CCDC88C: variants seen among roughly 807,000 people sequenced by gnomAD.
The protein encoded by CCDC88C is coiled-coil and HOOK domain protein 88C, also known as protein Daple.
Under a neutral mutation model 198.8 loss-of-function variants are expected in CCDC88C, and 131 were observed. The observed-to-expected ratio is 0.66, with a 90% CI of 0.57 to 0.76. The LOEUF (loss-of-function observed/expected upper bound fraction) is 0.76, where lower values mean the gene tolerates loss of function less well. CCDC88C is among the 30% of genes least tolerant of loss of function. CCDC88C has a pLI of 0.00. For missense variants in CCDC88C, 2,553 were observed against 2,631.6 expected, an observed-to-expected ratio of 0.97 and a Z score of 0.65; for synonymous variants, 1,166 against 1,114.7, an observed-to-expected ratio of 1.05 and a Z score of -0.92.
At chr14:91,296,972 A>G (rs1458233812) in intron 22 of CCDC88C, among the ~76,000 whole-genome samples, 1 of 152,232 alleles carries the variant, frequency 6.6e-6, no homozygotes, top group Non-Finnish European at 1.5e-5. Flanking sequence ...TCTCTAGGAC[A>G]GTGTGACTAC....
chr14:91,413,464 T>A (rs944368564), intron 2 of CCDC88C, among the ~76,000 whole-genome samples: 8 of 152,156 alleles, frequency 5.3e-5, no homozygotes, highest in Non-Finnish European at 1.0e-4. Flanking sequence ...TCTTAAATAA[T>A]TTTCCTACAA....
In CCDC88C at chr14:91,326,031, A is replaced by G. The variant is rs1892570567; in HGVS notation, c.1076T>C (p.Leu359Ser). 1 of 1,608,912 alleles carries G rather than the reference A, an allele frequency of 6.2e-7. No homozygotes were observed. Reference protein sequence around the residue: ...MEELREDNIILIETKAMLEEQ... With the variant: ...MEELREDNIISIETKAMLEEQ... ...CTCCAGCATGGCCTTGGTTTCAATTAAAATGATATTATCTTCTCTCAGCTC... is the reference window on the plus strand; with the variant it reads ...CTCCAGCATGGCCTTGGTTTCAATTGAAATGATATTATCTTCTCTCAGCTC... The change falls in exon 11 of 30, where the codon TTA becomes TCA. Residue 359 changes from leucine to serine, a missense_variant. Leu to Ser is a moderately radical substitution (Grantham distance 145). This residue lies in a region of CCDC88C where 1,260 missense variants were observed against 1,412.0 expected (regional missense o/e 0.89). Coordinates refer to ENST00000389857, the MANE Select transcript of CCDC88C (RefSeq NM_001080414.4).
chr14:91,304,452 G>A (rs1891474760), intron 19 of CCDC88C, among the ~76,000 whole-genome samples: 1 of 152,194 alleles, frequency 6.6e-6, no homozygotes, highest in Admixed American at 6.5e-5. Context: ...AGCTGGGCAT[G>A]GTGTTGTATG....
chr14:91,308,110 G>A (rs1891639596), intron 17 of CCDC88C, among the ~76,000 whole-genome samples: 1 of 152,234 alleles, frequency 6.6e-6, no homozygotes, highest in African/African-American at 2.4e-5. Flanking sequence ...CTTGCCTGGT[G>A]GACTTGGTGC....
intron 4 of CCDC88C, 27 bp downstream of exon 4, chr14:91,359,615 G>A: frequency 6.3e-7 from 1 of 1,587,232 alleles, no homozygotes; most frequent in Non-Finnish European, 8.6e-7. Context: ...GGGCACCACA[G>A]GGGAGAAGGG....
intron 10 of CCDC88C, among the ~76,000 whole-genome samples, chr14:91,337,760 G>A (rs998998273): frequency 1.3e-5 from 2 of 152,236 alleles, no homozygotes; most frequent in African/African-American, 4.8e-5. Context: ...GTGGGGGCAG[G>A]AGAAACCCTG....
In CCDC88C at chr14:91,292,532, G is replaced by A. The variant is rs141032662; in HGVS notation, c.4113-1448C>T. 2.3e-3 allele frequency among the ~76,000 whole-genome samples: 357 copies of A among 152,220 alleles called. 1 individual carries two copies. Among genetic ancestry groups the A allele is most frequent in the Non-Finnish European group, 3.7e-3 (250 of 68,016 alleles). On this transcript the variant is annotated intron_variant, in intron 23 of 29. Transcript: ENST00000389857. ...CAAACCATCCTCCCGAAGGTGGCAC[G>A]CCAGCCCTAGACACGTAGGTGAAGC...
chr14:91,332,058 C>T (rs888182699), intron 10 of CCDC88C, among the ~76,000 whole-genome samples: 1 of 152,114 alleles, frequency 6.6e-6, no homozygotes, highest in Admixed American at 6.5e-5. Flanking sequence ...AGGTCTCTGC[C>T]CCTCGGGCTA....
At chr14:91,334,143 T>C (rs548691596) in intron 10 of CCDC88C, among the ~76,000 whole-genome samples, 1 of 152,366 alleles carries the variant, frequency 6.6e-6, no homozygotes, top group African/African-American at 2.4e-5. Context: ...AATCTATCCA[T>C]CTCTCTAACC....
At chr14:91,387,008 T>C (rs564244630) in intron 3 of CCDC88C, among the ~76,000 whole-genome samples, 2 of 152,220 alleles carry the variant, frequency 1.3e-5, no homozygotes, top group Non-Finnish European at 2.9e-5. Flanking sequence ...TACTAACTTA[T>C]TTATCCTCAG....
At chr14:91,332,604 G>C (rs1458873960) in intron 10 of CCDC88C, among the ~76,000 whole-genome samples, 1 of 152,212 alleles carries the variant, frequency 6.6e-6, no homozygotes, top group East Asian at 1.9e-4. Context: ...AGACGGGGCA[G>C]CCTGTCTGGG....
Position 91,321,288 on chromosome 14 carries a change from A to C in CCDC88C, c.1359T>G (p.Phe453Leu). The C allele has an allele frequency of 6.4e-7, 1 of 1,557,600 alleles. No homozygotes were observed. The highest frequency in any genetic ancestry group is 8.7e-7 in the Non-Finnish European group (1 of 1,150,244). ...ACGCACATTCGTTCAGCTCAAACACAAACGACTTCCTGGAGGCTGAAGACA... is the reference window on the plus strand; with the variant it reads ...ACGCACATTCGTTCAGCTCAAACACCAACGACTTCCTGGAGGCTGAAGACA... ...ADLSDASRKS[F>L]VFELNECASS... The change falls in exon 13 of 30, where the codon TTT becomes TTG. Residue 453 changes from phenylalanine (F) to leucine (L), a missense_variant. Physicochemically the swap from Phe to Leu is conservative, Grantham distance 22. Around this residue, in one of 2 missense-constraint regions of CCDC88C, gnomAD observed 1,260 missense variants for 1,412.0 expected, o/e 0.89. Transcript: ENST00000389857.
At chr14:91,307,331 C>T (rs1891602983) in intron 17 of CCDC88C, 105 bp from the exon 18 acceptor site, 4 of 954,084 alleles carry the variant, frequency 4.2e-6, no homozygotes, top group Middle Eastern at 3.2e-4. Context: ...CCACACTCCC[C>T]ATACTCGCCC....
intron 17 of CCDC88C, 82 bp from the exon 18 acceptor site, chr14:91,307,308 T>C: frequency 8.3e-7 from 1 of 1,209,176 alleles, no homozygotes; most frequent in Non-Finnish European, 1.2e-6. Context: ...GAGGGCAACC[T>C]GCACCACACC....
At chr14:91,344,177 C>A (rs1305093511) in intron 4 of CCDC88C, among the ~76,000 whole-genome samples, 1 of 152,174 alleles carries the variant, frequency 6.6e-6, no homozygotes, top group African/African-American at 2.4e-5. Flanking sequence ...AAGCCCCTTC[C>A]ATTCAAATAT....
rs1894784932 is a variant in CCDC88C at position 91,371,252 on chromosome 14, T to TA, written c.271-11542_271-11541insT. 6.6e-6 allele frequency among the ~76,000 whole-genome samples: 1 copy of TA among 151,992 alleles called. No individual in the cohort carries two copies. Among genetic ancestry groups the TA allele is most frequent in the African/African-American group, 2.4e-5 (1 of 41,334 alleles). ...TCATGGTGGTAGAGTACTTTTTTTTTTTAAGCTTCTTGGCAAAGTCAGTAT... is the reference window on the plus strand; with the variant it reads ...TCATGGTGGTAGAGTACTTTTTTTTTATTAAGCTTCTTGGCAAAGTCAGTAT... On this transcript the variant is annotated intron_variant, in intron 3 of 29. Coordinates refer to ENST00000389857, the MANE Select transcript of CCDC88C (RefSeq NM_001080414.4). This position sits in a 1 kb window ranked among gnomAD's most constrained non-coding sequence, Gnocchi z 4.2.
In CCDC88C at chr14:91,308,472, C is replaced by T; in HGVS notation, c.2885G>A (p.Gly962Asp). The change falls in exon 17 of 30, where the codon GGC (glycine) becomes GAC (aspartate). Residue 962 changes from glycine (G) to aspartate (D), a missense_variant. Transcript: ENST00000389857. ...GSDTKYKILE[G>D]RNESALKTTL... is the part of the protein sequence containing the mutation. ...TGTTTTTAATGCTGATTCATTTCTG[C>T]CCTCCAAAATCTTGTATTTTCTGGA... The T allele has an allele frequency of 6.2e-7, 1 of 1,613,908 alleles. No individual in the cohort carries two copies. The highest frequency in any genetic ancestry group is 2.2e-5 in the East Asian group (1 of 44,880).
intron 25 of CCDC88C, among the ~76,000 whole-genome samples, chr14:91,286,297 G>A (rs1218180655): frequency 1.3e-5 from 2 of 152,016 alleles, no homozygotes; most frequent in Non-Finnish European, 2.9e-5. Context: ...CCGTTTCAGG[G>A]CGCTGTAATC....
At chr14:91,292,557 C>T (rs1327816508) in intron 23 of CCDC88C, among the ~76,000 whole-genome samples, 2 of 152,140 alleles carry the variant, frequency 1.3e-5, no homozygotes, top group African/African-American at 4.8e-5. Context: ...GTAGGTGAAG[C>T]CGACAGAATA....
Sources: gnomAD v4.1 joint callset for allele counts (sites outside exome capture counted in the v4.1 genomes callset) on GRCh38, gnomAD v4.1.1 for gene constraint, gnomAD v4.1.1 regional missense constraint, Gnocchi (gnomAD v3.1) non-coding constraint, MANE v1.5 for transcripts, NCBI Gene and HGNC (gene_info 2026-07-23, HGNC 2026-07-21) for gene names.